Variants in SV2B observed in about 807,000 individuals in gnomAD.
SV2B encodes the protein synaptic vesicle glycoprotein 2B.
A neutral mutation model predicts 73.9 loss-of-function variants in SV2B; 41 were observed. That is an observed-to-expected ratio of 0.56 (90% CI 0.43 to 0.72). The LOEUF is 0.72. SV2B is among the 30% of genes least tolerant of loss of function. The probability of loss-of-function intolerance (pLI) is 0.00; values close to 1 mark genes in which losing one functional copy is unlikely to be tolerated. For synonymous variants in SV2B, 314 were observed against 314.2 expected (o/e 1.00, Z 0.01); for missense variants, 764 against 857.8 (o/e 0.89, Z 1.37).
chr15:91,251,287 T>C (rs1596692882), intron 2 of SV2B, among the ~76,000 whole-genome samples: 1 of 152,366 alleles, frequency 6.6e-6, no homozygotes, highest in East Asian at 1.9e-4. Context: ...TCACACCATA[T>C]ACAAATATAC....
rs139496273 is a variant in SV2B, at chr15:91,172,559, C to T, written c.-391-53314C>T. ...AGGCACGAAAGAGGAGGACTGGGTG[C>T]AGGCAGGCTGATGTGAGGCCCCCAC... On this transcript the variant is annotated intron_variant, in intron 1 of 12. Coordinates refer to ENST00000394232, the MANE Select transcript of SV2B (RefSeq NM_001323032.3). Among the ~76,000 whole-genome samples the T allele has an allele frequency of 2.0e-5, 3 of 152,334 alleles. No homozygotes were observed. In the East Asian group the frequency reaches 5.8e-4, roughly 29 times the overall value.
At position 91,137,055 on chromosome 15, in the gene SV2B, A is replaced by T. The variant is rs966265029; in HGVS notation, c.-392+36692A>T. Among the ~76,000 whole-genome samples the T allele has an allele frequency of 6.6e-6, 1 of 152,176 alleles. No homozygotes were observed. Among genetic ancestry groups the T allele is most frequent in the East Asian group, 1.9e-4 (1 of 5,198 alleles). ...TTTAGGGAAGAGTATGAATGATGCA[A>T]CTTGTAAACCAGTTATTGGGGTGAC... On this transcript the variant is annotated intron_variant, in intron 1 of 12. Transcript: ENST00000394232. The surrounding 1 kb of genome is among the most constrained non-coding windows in gnomAD (Gnocchi z 4.9).
chr15:91,196,265 G>C lies in SV2B; in HGVS notation c.-391-29608G>C, dbSNP rs192548644. Among the ~76,000 whole-genome samples, 67 of 152,298 alleles carry C rather than the reference G, an allele frequency of 4.4e-4. No individual in the cohort carries two copies. In the South Asian group the frequency reaches 0.01, roughly 24 times the overall value. ...TATAATAATTTATGAAAACAACAAG[G>C]TTCTCTGTGTCTAGAGGGCGAGAGG... On this transcript the variant is annotated intron_variant, in intron 1 of 12. Coordinates refer to ENST00000394232, the MANE Select transcript of SV2B (RefSeq NM_001323032.3).
chr15:91,109,513 A>G (rs1217578482), intron 1 of SV2B, among the ~76,000 whole-genome samples: 1 of 152,206 alleles, frequency 6.6e-6, no homozygotes, highest in Admixed American at 6.5e-5. Context: ...TGCTAAGGAG[A>G]TGGAACAGAA....
In SV2B at chr15:91,292,518, G is replaced by T. The variant is rs1018453827; in HGVS notation, c.2018G>T (p.Arg673Leu). The T allele has an allele frequency of 3.1e-6, 5 of 1,613,896 alleles. No homozygotes were observed. Among genetic ancestry groups the T allele is most frequent in the East Asian group, 2.2e-5 (1 of 44,848 alleles). Residue 673 changes from arginine (R) to leucine (L), a missense_variant, in exon 13 of 13, where the codon CGA becomes CTA. Transcript: ENST00000394232. ...SLVGGGLIAL[R>L]LPETREQVLM is the part of the protein sequence containing the mutation. ...GTTGGGGGTGGCCTGATTGCCCTTC[G>T]ACTGCCAGAGACTCGAGAACAGGTC... is the stretch of plus-strand genomic sequence containing the variant.
rs892840226 is a variant in SV2B at position 91,115,573 on chromosome 15, C to T, written c.-392+15210C>T. On this transcript the variant is annotated intron_variant, in intron 1 of 12. Coordinates refer to ENST00000394232, the MANE Select transcript of SV2B (RefSeq NM_001323032.3). The surrounding 1 kb of genome is among the most constrained non-coding windows in gnomAD (Gnocchi z 4.3). ...TGTATTTTTAGTAGAGACAGGGTCTCGCCATGTTGCCCAGGCTGGTCTTGA... is the reference window on the plus strand; with the variant it reads ...TGTATTTTTAGTAGAGACAGGGTCTTGCCATGTTGCCCAGGCTGGTCTTGA... 3.3e-5 allele frequency among the ~76,000 whole-genome samples: 5 copies of T among 151,668 alleles called. No individual in the cohort carries two copies. The highest frequency in any genetic ancestry group is 9.7e-5 in the African/African-American group (4 of 41,240).
At position 91,287,536 on chromosome 15, in the gene SV2B, C is replaced by T. The variant is rs184488619; in HGVS notation, c.1709-1985C>T. ...CTCAAGGTCCTCCGGGCTGAACTTA[C>T]TGGAATTGGGCAGCATTTGACAGTC... On this transcript the variant is annotated intron_variant, in intron 11 of 12. Coordinates refer to ENST00000394232, the MANE Select transcript of SV2B (RefSeq NM_001323032.3). 2.6e-4 allele frequency among the ~76,000 whole-genome samples: 39 copies of T among 152,312 alleles called. 1 individual carries two copies. The highest frequency in any genetic ancestry group is 2.0e-3 in the Admixed American group (30 of 15,304).
chr15:91,120,820 AAAAAAAG>A (rs1469594766), intron 1 of SV2B, among the ~76,000 whole-genome samples: 3 of 151,300 alleles, frequency 2.0e-5, no homozygotes, highest in South Asian at 2.1e-4. Flanking sequence ...TCAAAAAAAA[AAAAAAAG>A]AAAGAAAAAG....
intron 9 of SV2B, among the ~76,000 whole-genome samples, chr15:91,270,414 G>A (rs1053127505): frequency 2.0e-5 from 3 of 152,168 alleles, no homozygotes; most frequent in African/African-American, 7.2e-5. Flanking sequence ...AGCTTAGAGA[G>A]GTTAAGTATC....
At position 91,298,709 on chromosome 15, in the gene SV2B, T is replaced by G. The variant is rs538341221; in HGVS notation, c.*6157T>G. The G allele has an allele frequency of 1.0e-3, 153 of 152,344 alleles. No homozygotes were observed. Among genetic ancestry groups the G allele is most frequent in the African/African-American group, 3.4e-3 (143 of 41,576 alleles). The allele number at this position is 152,344 out of a possible 1,614,324, so 9.4% of individuals were successfully genotyped here. A position where few individuals can be genotyped will look rare whatever the true frequency, so the allele number is the denominator to read the frequency against. ...CTTTAATCCTACAGGCTTAAAATAC[T>G]TTAAAATTTCAGAGACCATTAATAT... is the stretch of plus-strand genomic sequence containing the variant. On this transcript the variant is annotated 3_prime_UTR_variant, in exon 13 of 13. Coordinates refer to ENST00000394232, the MANE Select transcript of SV2B (RefSeq NM_001323032.3). The surrounding 1 kb of genome is among the most constrained non-coding windows in gnomAD (Gnocchi z 5.4).
rs544409963 is a variant in SV2B at position 91,284,701 on chromosome 15, G to A, written c.1708+480G>A. 6.6e-6 allele frequency among the ~76,000 whole-genome samples: 1 copy of A among 152,310 alleles called. No homozygotes were observed. The highest frequency in any genetic ancestry group is 2.1e-4 in the South Asian group (1 of 4,826). ...CGAAAGGCTGTTTGACCTTGAATGT[G>A]TTCCTTTACTTCTCTGGGCCTCAGT... On this transcript the variant is annotated intron_variant, in intron 11 of 12. Transcript: ENST00000394232. The surrounding 1 kb of genome is among the most constrained non-coding windows in gnomAD (Gnocchi z 4.5).
Position 91,137,369 on chromosome 15 carries a change from G to A in SV2B, c.-392+37006G>A, listed in dbSNP as rs937705546. Among the ~76,000 whole-genome samples, 9 of 151,968 alleles carry A rather than the reference G, an allele frequency of 5.9e-5. No homozygotes were observed. Among genetic ancestry groups the A allele is most frequent in the African/African-American group, 2.2e-4 (9 of 41,364 alleles). ...GATGGAAGATGAGGGTGGCTTCAAAGCGTTTACCACAAAGCTATTATTTAT... is the reference window on the plus strand; with the variant it reads ...GATGGAAGATGAGGGTGGCTTCAAAACGTTTACCACAAAGCTATTATTTAT... On this transcript the variant is annotated intron_variant, in intron 1 of 12. Coordinates refer to ENST00000394232, the MANE Select transcript of SV2B (RefSeq NM_001323032.3). The surrounding 1 kb of genome is among the most constrained non-coding windows in gnomAD (Gnocchi z 4.9).
At chr15:91,170,309 A>G (rs2044078414) in intron 1 of SV2B, among the ~76,000 whole-genome samples, 1 of 152,012 alleles carries the variant, frequency 6.6e-6, no homozygotes, top group African/African-American at 2.4e-5. Flanking sequence ...TTTTTTTGAG[A>G]TGGAGTCTCA....
intron 1 of SV2B, among the ~76,000 whole-genome samples, chr15:91,163,828 A>G (rs927390972): frequency 6.6e-6 from 1 of 152,194 alleles, no homozygotes; most frequent in Non-Finnish European, 1.5e-5. Context: ...TTAGTCATGA[A>G]GTCCTTGCCC....
chr15:91,153,869 C>T (rs1567296222), intron 1 of SV2B, among the ~76,000 whole-genome samples: 1 of 152,084 alleles, frequency 6.6e-6, no homozygotes, highest in Non-Finnish European at 1.5e-5. Flanking sequence ...AAGACACAGC[C>T]TCTCTGCAAA....
chr15:91,234,039 G>A lies in SV2B; in HGVS notation c.451+7325G>A, dbSNP rs75228484. On this transcript the variant is annotated intron_variant, in intron 2 of 12. Coordinates refer to ENST00000394232, the MANE Select transcript of SV2B (RefSeq NM_001323032.3). The surrounding 1 kb of genome is among the most constrained non-coding windows in gnomAD (Gnocchi z 5.6). The stretch of plus-strand genomic sequence containing the variant: ...ACTAAGCAGAAATTCTGCATTTAAT[G>A]TTGCAGCTTGTAGGGCTGGAAAAAA... 0.011 allele frequency among the ~76,000 whole-genome samples: 1,650 copies of A among 152,294 alleles called. 42 individuals carry two copies. In the East Asian group the frequency reaches 0.11, roughly 11 times the overall value.
chr15:91,218,189 G>A (rs1352781166), intron 1 of SV2B, among the ~76,000 whole-genome samples: 1 of 152,186 alleles, frequency 6.6e-6, no homozygotes, highest in African/African-American at 2.4e-5. Context: ...GGACAGTTGT[G>A]CAGCAATATG....
At chr15:91,164,857 C>T (rs1330479740) in intron 1 of SV2B, among the ~76,000 whole-genome samples, 2 of 152,188 alleles carry the variant, frequency 1.3e-5, no homozygotes, top group African/African-American at 4.8e-5. Context: ...CAGGGGCACG[C>T]TGTTAAAAGT....
Position 91,227,671 on chromosome 15 carries a change from C to T in SV2B, c.451+957C>T, listed in dbSNP as rs2046428534. On this transcript the variant is annotated intron_variant, in intron 2 of 12. Transcript: ENST00000394232. The surrounding 1 kb of genome is among the most constrained non-coding windows in gnomAD (Gnocchi z 4.5). ...TCAACAAATATCTTTTATTGGTTTA[C>T]CTTATGCTAGACTCTGTGCTCAGGA... 6.6e-6 allele frequency among the ~76,000 whole-genome samples: 1 copy of T among 152,190 alleles called. No individual in the cohort carries two copies. The highest frequency in any genetic ancestry group is 1.5e-5 in the Non-Finnish European group (1 of 68,014).
Sources: allele counts gnomAD v4.1 joint callset (sites outside exome capture counted in the v4.1 genomes callset), GRCh38; gene constraint gnomAD v4.1.1; non-coding constraint Gnocchi (gnomAD v3.1); transcripts MANE v1.5; gene names NCBI Gene and HGNC (gene_info 2026-07-23, HGNC 2026-07-21).